The following ZNF519 variants were observed in gnomAD, a reference collection of about 807,000 sequenced individuals.
The protein encoded by ZNF519 is similar to Zinc finger protein 85 (Zinc finger protein HPF4) (HTF1).
Under a neutral mutation model 7.4 loss-of-function variants are expected in ZNF519, and 7 were observed. The ratio of observed to expected loss-of-function variants is 0.94; its 90% CI spans 0.54 to 1.77. The LOEUF is 1.77. Ranked by LOEUF, ZNF519 falls within the 40% of genes most tolerant of loss-of-function variation. The probability of loss-of-function intolerance (pLI) is 0.00; values close to 1 mark genes in which losing one functional copy is unlikely to be tolerated. For synonymous variants in ZNF519, 179 were observed against 203.3 expected, an observed-to-expected ratio of 0.88 and a Z score of 1.02; for missense variants, 586 against 623.1, an observed-to-expected ratio of 0.94 and a Z score of 0.63.
intron 1 of ZNF519, among the ~76,000 whole-genome samples, chr18:14,131,673 C>T (rs569616308): frequency 6.6e-6 from 1 of 152,200 alleles, no homozygotes; most frequent in African/African-American, 2.4e-5. Context: ...GAAATTCAAG[C>T]TTAAACAACT....
chr18:14,110,715 G>A (rs1032965319), intron 2 of ZNF519, among the ~76,000 whole-genome samples: 6 of 152,148 alleles, frequency 3.9e-5, no homozygotes, highest in African/African-American at 1.2e-4. Flanking sequence ...GGTGAAATGG[G>A]AACACTTAAC....
intron 2 of ZNF519, among the ~76,000 whole-genome samples, chr18:14,110,067 C>A (rs1257336848): frequency 1.3e-5 from 2 of 151,922 alleles, no homozygotes; most frequent in Non-Finnish European, 2.9e-5. Context: ...TAATAATCAA[C>A]AAGGCATACA....
At chr18:14,124,744 G>T (rs145845631) in intron 1 of ZNF519, among the ~76,000 whole-genome samples, 4 of 151,938 alleles carry the variant, frequency 2.6e-5, no homozygotes, top group African/African-American at 9.7e-5. Context: ...CTGGAACAAC[G>T]GGTGAACTCA....
rs1388397254 is a variant in ZNF519 at position 14,101,277 on chromosome 18, C to T, written c.*3640G>A. On this transcript the variant is annotated 3_prime_UTR_variant, in exon 3 of 3. Transcript: ENST00000590202. ...GGCTCCTCCTGCTGCCCCACCACGC[C>T]TGCACTGATGGAGTCCACCTGCAGG... 6.4e-6 allele frequency: 1 copy of T among 155,288 alleles called. No individual in the cohort carries two copies. The highest frequency in any genetic ancestry group is 1.9e-4 in the East Asian group (1 of 5,376). The allele number at this position is 155,288 out of a possible 1,614,324, so 9.6% of individuals were successfully genotyped here.
downstream of ZNF519, chr18:14,099,837 A>G (rs934651360): frequency 1.3e-5 from 2 of 152,196 alleles, no homozygotes; most frequent in Admixed American, 1.3e-4. Flanking sequence ...GGAAAGATTC[A>G]GTTTTCTCTG....
At chr18:14,082,290 A>G (rs1351634767) in intron 3 of ZNF519, 1 of 152,204 alleles carries the variant, frequency 6.6e-6, no homozygotes. Flanking sequence ...GCATAATATA[A>G]ATTCTTATTA....
In ZNF519 at chr18:14,124,449, T is replaced by C. The variant is rs1423836223; in HGVS notation, c.31A>G (p.Ile11Val). The C allele has an allele frequency of 1.9e-6, 3 of 1,612,246 alleles. No homozygotes were observed. Among genetic ancestry groups the C allele is most frequent in the African/African-American group, 1.3e-5 (1 of 74,818 alleles). The change falls in exon 2 of 3, where the codon ATA (isoleucine) becomes GTA (valine). Residue 11 changes from isoleucine to valine, a missense_variant. Ile to Val is a conservative substitution (Grantham distance 29). Coordinates refer to ENST00000590202, the MANE Select transcript of ZNF519 (RefSeq NM_145287.4). Reference sequence around the variant, plus strand: ...TTCCACTCTTCTGGAGAGAATTCTATGGCCACATCCCTGAATGTTAAGAGT... The same window carrying C: ...TTCCACTCTTCTGGAGAGAATTCTACGGCCACATCCCTGAATGTTAAGAGT... MELLTFRDVAIEFSPEEWKCL... is the reference protein window; with the variant it reads MELLTFRDVAVEFSPEEWKCL...
At position 14,102,670 on chromosome 18, in the gene ZNF519, C is replaced by T. The variant is rs556368114; in HGVS notation, c.*2247G>A. On this transcript the variant is annotated 3_prime_UTR_variant, in exon 3 of 3. Coordinates refer to ENST00000590202, the MANE Select transcript of ZNF519 (RefSeq NM_145287.4). ...CTTTTTAAAATAATAATAATTTATT[C>T]TCTATATGTTGTAAATTATTTTCTC... 2 of 151,960 alleles carry T rather than the reference C, an allele frequency of 1.3e-5. No individual in the cohort carries two copies. Among genetic ancestry groups the T allele is most frequent in the Non-Finnish European group, 2.9e-5 (2 of 67,988 alleles). 9.4% of individuals were successfully genotyped at this position (151,960 alleles called of 1,614,324 possible). A position where few individuals can be genotyped will look rare whatever the true frequency, so the allele number is the denominator to read the frequency against.
At chr18:14,114,824 A>G (rs2046237953) in intron 2 of ZNF519, among the ~76,000 whole-genome samples, 1 of 152,190 alleles carries the variant, frequency 6.6e-6, no homozygotes, top group Non-Finnish European at 1.5e-5. Flanking sequence ...AAAGGATTAA[A>G]TACTTGAAGT....
rs1186011383 is a variant in ZNF519 at position 14,101,473 on chromosome 18, T to C, written c.*3444A>G. ...CTTACAAATATGTGAAAGCCGATTG[T>C]ACACCTGAACAGTGCTGGGGTGAAA... On this transcript the variant is annotated 3_prime_UTR_variant, in exon 3 of 3. Coordinates refer to ENST00000590202, the MANE Select transcript of ZNF519 (RefSeq NM_145287.4). The C allele has an allele frequency of 2.5e-6, 1 of 395,002 alleles. No individual in the cohort carries two copies. The highest frequency in any genetic ancestry group is 4.4e-5 in the Admixed American group (1 of 22,672). The allele number at this position is 395,002 out of a possible 1,614,324, so 24.5% of individuals were successfully genotyped here.
chr18:14,124,295 A>C (rs2046285253), intron 2 of ZNF519, 55 bp downstream of exon 2: 6 of 1,523,042 alleles, frequency 3.9e-6, no homozygotes, highest in Non-Finnish European at 5.3e-6. Flanking sequence ...TCTACAAAGA[A>C]AGAAAATAAA....
chr18:14,107,600 G>A (rs975865646), intron 2 of ZNF519, among the ~76,000 whole-genome samples: 2 of 152,136 alleles, frequency 1.3e-5, no homozygotes, highest in African/African-American at 4.8e-5. Flanking sequence ...ATGGCCAAAG[G>A]GAGGAAGAGC....
At chr18:14,112,700 A>G (rs2046227465) in intron 2 of ZNF519, among the ~76,000 whole-genome samples, 2 of 152,218 alleles carry the variant, frequency 1.3e-5, no homozygotes, top group Admixed American at 6.5e-5. Flanking sequence ...AATTAAAATA[A>G]AATACCTAGG....
intron 2 of ZNF519, among the ~76,000 whole-genome samples, chr18:14,086,427 C>T (rs912355620): frequency 6.6e-6 from 1 of 152,196 alleles, no homozygotes; most frequent in Non-Finnish European, 1.5e-5. Context: ...TGGCTTTGGG[C>T]ATGATGTAGC....
intron 2 of ZNF519, among the ~76,000 whole-genome samples, chr18:14,112,721 A>T (rs919232003): frequency 2.0e-5 from 3 of 152,220 alleles, no homozygotes; most frequent in African/African-American, 7.2e-5. Flanking sequence ...AATTAACCAA[A>T]GAAATTAAAG....
chr18:14,124,177 T>TAAACA, intron 2 of ZNF519, 173 bp downstream of exon 2: 2 of 391,414 alleles, frequency 5.1e-6, no homozygotes, highest in South Asian at 9.5e-5. Context: ...CTGTCTCAAT[T>TAAACA]AAAAAAAAAA....
intron 2 of ZNF519, among the ~76,000 whole-genome samples, chr18:14,108,126 G>A (rs2046203383): frequency 6.6e-6 from 1 of 152,122 alleles, no homozygotes; most frequent in Admixed American, 6.6e-5. Flanking sequence ...GCTCACCTTG[G>A]GTGTGATCAA....
chr18:14,072,719 A>G (rs1350980237), downstream of ZNF519: 2 of 152,154 alleles, frequency 1.3e-5, no homozygotes, highest in Non-Finnish European at 2.9e-5. Flanking sequence ...TGTTGCTCAT[A>G]TTAACAGCAT....
At chr18:14,079,495 C>T (rs1483990159) in intron 3 of ZNF519, among the ~76,000 whole-genome samples, 1 of 152,152 alleles carries the variant, frequency 6.6e-6, no homozygotes, top group East Asian at 1.9e-4. Context: ...GACAGAGATA[C>T]TACTTAGTTT....
Sources: allele counts gnomAD v4.1 joint callset (sites outside exome capture counted in the v4.1 genomes callset), GRCh38; gene constraint gnomAD v4.1.1; transcripts MANE v1.5; gene names NCBI Gene and HGNC (gene_info 2026-07-23, HGNC 2026-07-21).